BMP7: variants seen among roughly 807,000 people sequenced by gnomAD.
BMP7 encodes osteogenic protein 1.
A neutral mutation model predicts 41.2 loss-of-function variants in BMP7; 12 were observed. The ratio of observed to expected loss-of-function variants is 0.29; its 90% confidence interval spans 0.19 to 0.47. BMP7 has a LOEUF of 0.47. Among genes scored for constraint, BMP7 ranks in the 20% least tolerant of loss-of-function variants. The pLI is 0.99. For synonymous variants in BMP7, 248 were observed against 250.0 expected, an observed-to-expected ratio of 0.99 and a Z score of 0.07; for missense variants, 467 against 606.0, an observed-to-expected ratio of 0.77 and a Z score of 2.41.
intron 4 of BMP7, among the ~76,000 whole-genome samples, chr20:57,180,458 C>T (rs3787384): frequency 6.6e-6 from 1 of 152,146 alleles, no homozygotes; most frequent in Non-Finnish European, 1.5e-5. Flanking sequence ...TCAGCTCGCT[C>T]GCCACGAAAT....
rs892509455 is a variant in BMP7 at position 57,261,855 on chromosome 20, G to T, written c.418+3850C>A. Among the ~76,000 whole-genome samples the T allele has an allele frequency of 7.2e-5, 11 of 152,244 alleles. No homozygotes were observed. Among genetic ancestry groups the T allele is most frequent in the African/African-American group, 2.7e-4 (11 of 41,458 alleles). Reference sequence around the variant, plus strand: ...CTTTTTCTAATACTCTACAGTGGTAGGGCCTGCTCTTGACGGGCAGTGGGA... The same window carrying T: ...CTTTTTCTAATACTCTACAGTGGTATGGCCTGCTCTTGACGGGCAGTGGGA... On this transcript the variant is annotated intron_variant, in intron 1 of 6. Coordinates refer to ENST00000395863, the MANE Select transcript of BMP7 (RefSeq NM_001719.3). The surrounding 1 kb of genome is among the most constrained non-coding windows in gnomAD (Gnocchi z 4.1).
Position 57,170,790 on chromosome 20 carries a change from A to T in BMP7, c.*169T>A, listed in dbSNP as rs1340531515. The T allele has an allele frequency of 3.5e-6, 3 of 866,934 alleles. No homozygotes were observed. The East Asian group carries it at 8.2e-5, about 24-fold the overall frequency. 53.7% of individuals were successfully genotyped at this position (866,934 alleles called of 1,614,324 possible). On this transcript the variant is annotated 3_prime_UTR_variant, in exon 7 of 7. Transcript: ENST00000395863. ...ATTGGATGCTGCCACTGAAAAACTGATCAAAAGCCATATGCTGCTCATGTT... is the reference window on the plus strand; with the variant it reads ...ATTGGATGCTGCCACTGAAAAACTGTTCAAAAGCCATATGCTGCTCATGTT...
intron 3 of BMP7, among the ~76,000 whole-genome samples, chr20:57,198,778 T>G (rs1402835472): frequency 1.3e-5 from 2 of 152,140 alleles, no homozygotes; most frequent in Non-Finnish European, 2.9e-5. Context: ...GGGGCTCATG[T>G]GGGGTTAAAC....
Position 57,266,286 on chromosome 20 carries a change from C to T in BMP7, c.-164G>A. On this transcript the variant is annotated 5_prime_UTR_variant, in exon 1 of 7. Coordinates refer to ENST00000395863, the MANE Select transcript of BMP7 (RefSeq NM_001719.3). ...CCTCCCCGGCCGGCCGCGCTCTGCC[C>T]GGACCCCCGCCCCCTGCTCGGTGCT... is the stretch of plus-strand genomic sequence containing the variant. 2 of 546,790 alleles carry T rather than the reference C, an allele frequency of 3.7e-6. No homozygotes were observed. The highest frequency in any genetic ancestry group is 5.4e-6 in the Non-Finnish European group (2 of 368,564). The allele number at this position is 546,790 out of a possible 1,614,324, so 33.9% of individuals were successfully genotyped here. A position where few individuals can be genotyped will look rare whatever the true frequency, so the allele number is the denominator to read the frequency against.
chr20:57,186,785 G>C (rs1984221531), intron 3 of BMP7, among the ~76,000 whole-genome samples: 1 of 152,164 alleles, frequency 6.6e-6, no homozygotes, highest in South Asian at 2.1e-4. Flanking sequence ...TCAGCACCAG[G>C]GGGTTCACTT....
intron 2 of BMP7, among the ~76,000 whole-genome samples, chr20:57,222,275 G>T (rs1985207009): frequency 6.6e-6 from 1 of 152,050 alleles, no homozygotes; most frequent in African/African-American, 2.4e-5. Context: ...ATTATGGGAA[G>T]AAATAACAGG....
chr20:57,199,009 C>G (rs1054698208), intron 3 of BMP7, among the ~76,000 whole-genome samples: 3 of 152,158 alleles, frequency 2.0e-5, no homozygotes, highest in Non-Finnish European at 4.4e-5. Flanking sequence ...CTGTCTCTAC[C>G]CCTTCTGGAT....
chr20:57,260,953 TG>T (rs1813870405), intron 1 of BMP7, among the ~76,000 whole-genome samples: 1 of 152,192 alleles, frequency 6.6e-6, no homozygotes, highest in African/African-American at 2.4e-5. Flanking sequence ...GATGGGCAGA[TG>T]GGGAAGGGTG....
chr20:57,231,022 T>C (rs952755110), intron 1 of BMP7, among the ~76,000 whole-genome samples: 6 of 152,198 alleles, frequency 3.9e-5, no homozygotes, highest in African/African-American at 9.6e-5. Context: ...GTGTAGCGTG[T>C]GTGTAAACCA....
intron 2 of BMP7, among the ~76,000 whole-genome samples, chr20:57,209,281 A>ATG (rs1175372177): frequency 3.6e-5 from 5 of 138,872 alleles, no homozygotes; most frequent in Non-Finnish European, 7.7e-5. Context: ...ATATATATAT[A>ATG]TATATGTATA....
At position 57,228,549 on chromosome 20, in the gene BMP7, G is replaced by T; in HGVS notation, c.419-128C>A. The T allele has an allele frequency of 9.0e-7, 1 of 1,110,390 alleles. No homozygotes were observed. The highest frequency in any genetic ancestry group is 1.4e-6 in the Non-Finnish European group (1 of 736,624). The allele number at this position is 1,110,390 out of a possible 1,614,324, so 68.8% of individuals were successfully genotyped here. A position where few individuals can be genotyped will look rare whatever the true frequency, so the allele number is the denominator to read the frequency against. On this transcript the variant is annotated intron_variant, in intron 1 of 6. Coordinates refer to ENST00000395863, the MANE Select transcript of BMP7 (RefSeq NM_001719.3). The surrounding 1 kb of genome is among the most constrained non-coding windows in gnomAD (Gnocchi z 4.5). ...CATGCCCATTGCCAGTGACCCCAGT[G>T]ACAACTGCTCCTTCCTCACCAACAC... is the stretch of plus-strand genomic sequence containing the variant.
At chr20:57,227,198 C>T (rs1486316683) in intron 2 of BMP7, among the ~76,000 whole-genome samples, 1 of 152,158 alleles carries the variant, frequency 6.6e-6, no homozygotes, top group Non-Finnish European at 1.5e-5. Flanking sequence ...GGCTCACGTC[C>T]TAATGTGGCC....
chr20:57,219,017 GTGTT>G lies in BMP7; in HGVS notation c.611+9208_611+9211del, dbSNP rs560768197. On this transcript the variant is annotated intron_variant, in intron 2 of 6. Coordinates refer to ENST00000395863, the MANE Select transcript of BMP7 (RefSeq NM_001719.3). ...AGCTGGGTTTGTTTGGTGGTAGCTGGTGTTTGTTTGGTGGTAGCTGGCGTTCGGT... is the reference window on the plus strand; with the variant it reads ...AGCTGGGTTTGTTTGGTGGTAGCTGGTGTTTGGTGGTAGCTGGCGTTCGGT... Among the ~76,000 whole-genome samples the G allele has an allele frequency of 4.0e-3, 608 of 151,606 alleles. 1 individual carries two copies. The highest frequency in any genetic ancestry group is 6.9e-3 in the Middle Eastern group (2 of 290).
intron 3 of BMP7, among the ~76,000 whole-genome samples, chr20:57,195,194 C>G (rs918841275): frequency 2.6e-5 from 4 of 152,124 alleles, no homozygotes; most frequent in Non-Finnish European, 5.9e-5. Flanking sequence ...ACAGTGAGGC[C>G]CCTTGGTAAA....
chr20:57,256,731 A>T (rs2066135663), intron 1 of BMP7, among the ~76,000 whole-genome samples: 1 of 152,012 alleles, frequency 6.6e-6, no homozygotes, highest in African/African-American at 2.4e-5. Flanking sequence ...AAAAAAAAAT[A>T]ACAAAAATTA....
intron 1 of BMP7, among the ~76,000 whole-genome samples, chr20:57,258,536 CATTTT>C (rs1447692439): frequency 6.6e-6 from 1 of 152,210 alleles, no homozygotes; most frequent in African/African-American, 2.4e-5. Context: ...TTAAATGAAA[CATTTT>C]ATTTTGAAAT....
At chr20:57,216,584 T>TTGAGGGCGAGGGGCTGTCTCC (rs1276409646) in intron 2 of BMP7, among the ~76,000 whole-genome samples, 4 of 124,652 alleles carry the variant, frequency 3.2e-5, no homozygotes, top group African/African-American at 9.3e-5. Context: ...GGGCTGTCTC[T>TTGAGGGCGAGGGGCTGTCTCC]TGAGGGCGAG....
chr20:57,187,946 C>T (rs1337077350), intron 3 of BMP7, among the ~76,000 whole-genome samples: 1 of 152,114 alleles, frequency 6.6e-6, no homozygotes, highest in Non-Finnish European at 1.5e-5. Context: ...GAAAAAGGTT[C>T]AGATTTTTAA....
At position 57,219,123 on chromosome 20, in the gene BMP7, C is replaced by T. The variant is rs185861571; in HGVS notation, c.611+9106G>A. Among the ~76,000 whole-genome samples, 106 of 127,708 alleles carry T rather than the reference C, an allele frequency of 8.3e-4. 2 individuals carry two copies. The highest frequency in any genetic ancestry group is 5.5e-4 in the Admixed American group (7 of 12,822). 83.8% of individuals were successfully genotyped at this position (127,708 alleles called of 152,430 possible). On this transcript the variant is annotated intron_variant, in intron 2 of 6. Coordinates refer to ENST00000395863, the MANE Select transcript of BMP7 (RefSeq NM_001719.3). Reference sequence around the variant, plus strand: ...TGTTTGGTGGTAGCTGGTGTTTGTTCGGTGGTAGCTGTTCGGTGGTAGCTG... The same window carrying T: ...TGTTTGGTGGTAGCTGGTGTTTGTTTGGTGGTAGCTGTTCGGTGGTAGCTG...
Sources: allele counts gnomAD v4.1 joint callset (sites outside exome capture counted in the v4.1 genomes callset), GRCh38; gene constraint gnomAD v4.1.1; non-coding constraint Gnocchi (gnomAD v3.1); transcripts MANE v1.5; gene names NCBI Gene and HGNC (gene_info 2026-07-23, HGNC 2026-07-21).